The following PAM variants were observed in gnomAD, a reference collection of about 807,000 sequenced individuals.
PAM encodes the protein peptidyl-glycine alpha-amidating monooxygenase.
PAM carries 72 observed loss-of-function variants against 122.1 expected under a neutral mutation model. The observed-to-expected ratio is 0.59, with a 90% confidence interval of 0.49 to 0.72. The LOEUF (loss-of-function observed/expected upper bound fraction) is 0.72, where lower values mean the gene tolerates loss of function less well. PAM is among the 30% of genes least tolerant of loss of function. The pLI is 0.00. For missense variants in PAM, 1,106 were observed against 1,183.7 expected, an observed-to-expected ratio of 0.93 and a Z score of 0.96; for synonymous variants, 389 against 404.4, an observed-to-expected ratio of 0.96 and a Z score of 0.46.
At chr5:102,953,448 G>A (rs140713543) in intron 12 of PAM, among the ~76,000 whole-genome samples, 113 of 152,202 alleles carry the variant, frequency 7.4e-4, no homozygotes, top group African/African-American at 2.7e-3. Flanking sequence ...AGTGAAATAA[G>A]CCAGGCACAG....
chr5:102,808,698 G>A (rs1401653792), intron 1 of PAM, among the ~76,000 whole-genome samples: 2 of 152,200 alleles, frequency 1.3e-5, no homozygotes, highest in Non-Finnish European at 2.9e-5. Context: ...GAACCATGCT[G>A]AGAATTTGCA....
At chr5:102,872,060 T>C (rs115950806) in intron 3 of PAM, among the ~76,000 whole-genome samples, 2,860 of 152,248 alleles carry the variant, frequency 0.019, 85 homozygotes, top group African/African-American at 0.062. Flanking sequence ...CTGTCATTAG[T>C]GTAATCATTT....
chr5:102,982,603 C>G (rs577717788), intron 15 of PAM, among the ~76,000 whole-genome samples: 1 of 152,362 alleles, frequency 6.6e-6, no homozygotes, highest in East Asian at 1.9e-4. Context: ...CTGAGGAACT[C>G]AGAGACACCA....
At chr5:103,015,272 TTTAAACTTACTATG>T (rs1355298022) in intron 21 of PAM, among the ~76,000 whole-genome samples, 2 of 152,190 alleles carry the variant, frequency 1.3e-5, no homozygotes, top group African/African-American at 4.8e-5. Flanking sequence ...ATTAAGTACA[TTTAAACTTACTATG>T]TTGAAGCAAA....
chr5:102,880,208 G>C (rs1165799610), intron 3 of PAM, among the ~76,000 whole-genome samples: 1 of 152,084 alleles, frequency 6.6e-6, no homozygotes, highest in Admixed American at 6.6e-5. Context: ...TTAAGCCTGG[G>C]AGATGGAGGT....
At chr5:102,827,015 G>A (rs555812028) in intron 1 of PAM, among the ~76,000 whole-genome samples, 8 of 152,210 alleles carry the variant, frequency 5.3e-5, no homozygotes, top group African/African-American at 1.7e-4. Context: ...AATATTTTCT[G>A]TCTAAGTATA....
At chr5:102,843,976 T>C (rs1485965865) in intron 1 of PAM, among the ~76,000 whole-genome samples, 2 of 152,194 alleles carry the variant, frequency 1.3e-5, no homozygotes, top group South Asian at 4.1e-4. Context: ...CCCAGAGAAA[T>C]GGAAATTTAT....
chr5:102,840,690 C>T (rs970177572), intron 1 of PAM, among the ~76,000 whole-genome samples: 12 of 152,144 alleles, frequency 7.9e-5, no homozygotes, highest in Admixed American at 4.6e-4. Context: ...GCTCATCACT[C>T]GTCCATCTTC....
At chr5:102,796,475 A>G (rs763049028) in intron 1 of PAM, among the ~76,000 whole-genome samples, 2 of 151,924 alleles carry the variant, frequency 1.3e-5, no homozygotes, top group South Asian at 4.1e-4. Context: ...TGATCTTCCT[A>G]GTGTCTGGTA....
intron 7 of PAM, among the ~76,000 whole-genome samples, chr5:102,942,162 C>T (rs1036980070): frequency 1.1e-4 from 17 of 152,184 alleles, no homozygotes; most frequent in African/African-American, 9.6e-5. Flanking sequence ...TGTTAGGAGA[C>T]CTCACTCTTT....
At chr5:103,010,032 ATTT>A (rs1780167323) in intron 21 of PAM, among the ~76,000 whole-genome samples, 166 bp downstream of exon 21, 1 of 152,090 alleles carries the variant, frequency 6.6e-6, no homozygotes, top group Non-Finnish European at 1.5e-5. Context: ...TTTATTTTAT[ATTT>A]TATTTAGAAT....
chr5:102,760,147 T>A (rs1751875119), intron 1 of PAM, among the ~76,000 whole-genome samples: 1 of 152,208 alleles, frequency 6.6e-6, no homozygotes, highest in African/African-American at 2.4e-5. Context: ...ATAGAGGTAT[T>A]CTTTCCCTCT....
chr5:102,801,653 A>C (rs1441969806), intron 1 of PAM, among the ~76,000 whole-genome samples: 3 of 152,156 alleles, frequency 2.0e-5, no homozygotes, highest in Non-Finnish European at 2.9e-5. Flanking sequence ...GGCTGCAGGC[A>C]TCATCCTTAA....
intron 7 of PAM, among the ~76,000 whole-genome samples, chr5:102,946,106 G>A (rs1010517127): frequency 1.3e-5 from 2 of 152,152 alleles, no homozygotes; most frequent in African/African-American, 4.8e-5. Flanking sequence ...CAAGGATCGT[G>A]TTGGAGGTCA....
intron 1 of PAM, among the ~76,000 whole-genome samples, chr5:102,780,693 C>A (rs1263808761): frequency 6.6e-6 from 1 of 152,080 alleles, no homozygotes; most frequent in Non-Finnish European, 1.5e-5. Context: ...AGTACTGCAT[C>A]CCATGAAAAA....
chr5:102,913,073 A>G (rs1343577678), intron 4 of PAM, among the ~76,000 whole-genome samples: 1 of 151,972 alleles, frequency 6.6e-6, no homozygotes, highest in Non-Finnish European at 1.5e-5. Context: ...GCATTTTTGC[A>G]CACACCTGAG....
At chr5:102,890,935 T>C (rs535054349) in intron 3 of PAM, among the ~76,000 whole-genome samples, 8 of 152,026 alleles carry the variant, frequency 5.3e-5, no homozygotes, top group Middle Eastern at 3.4e-3. Flanking sequence ...ACTGGGAGTT[T>C]AGAAGACAAC....
chr5:102,891,995 A>G (rs1298203555), intron 3 of PAM, among the ~76,000 whole-genome samples: 1 of 151,826 alleles, frequency 6.6e-6, no homozygotes, highest in Non-Finnish European at 1.5e-5. Flanking sequence ...TTTCCTGATT[A>G]GACTAAGCCA....
intron 1 of PAM, among the ~76,000 whole-genome samples, chr5:102,860,667 C>T (rs990782748): frequency 6.6e-6 from 1 of 151,100 alleles, no homozygotes; most frequent in Non-Finnish European, 1.5e-5. Context: ...GCCTGGGCAA[C>T]AGAGCGTGAG....
Sources: allele counts gnomAD v4.1 joint callset (sites outside exome capture counted in the v4.1 genomes callset), GRCh38; gene constraint gnomAD v4.1.1; transcripts MANE v1.5; gene names NCBI Gene and HGNC (gene_info 2026-07-23, HGNC 2026-07-21).